PCDHGA9: variants seen among roughly 807,000 people sequenced by gnomAD.
PCDHGA9 encodes protocadherin gamma-A9.
A neutral mutation model predicts 62.5 loss-of-function variants in PCDHGA9; 37 were observed. The ratio of observed to expected loss-of-function variants is 0.59; its 90% CI spans 0.46 to 0.78. The LOEUF (loss-of-function observed/expected upper bound fraction) is 0.78. Among genes scored for constraint, PCDHGA9 ranks in the 30% least tolerant of loss-of-function variants. The pLI, the probability that PCDHGA9 is intolerant of heterozygous loss-of-function variation, is 0.00. For missense variants in PCDHGA9, 1,138 were observed against 1,166.2 expected, an observed-to-expected ratio of 0.98 and a Z score of 0.35; for synonymous variants, 459 against 484.6, an observed-to-expected ratio of 0.95 and a Z score of 0.69.
chr5:141,439,790 C>G (rs2098131627), intron 1 of PCDHGA9: 2 of 152,248 alleles, frequency 1.3e-5, no homozygotes, highest in Non-Finnish European at 2.9e-5. Flanking sequence ...TTCTATAATC[C>G]AAGAAGAGTT....
chr5:141,471,404 TTA>T (rs1320685792), intron 1 of PCDHGA9: 3 of 152,170 alleles, frequency 2.0e-5, no homozygotes, highest in Non-Finnish European at 4.4e-5. Flanking sequence ...GTAGCTAGGC[TTA>T]GTTATGTTTT....
In PCDHGA9 at chr5:141,404,912, C is replaced by T. The variant is rs761969782; in HGVS notation, c.1960C>T (p.Leu654Phe). The change falls in exon 1 of 4, where the codon CTC becomes TTC. Residue 654 changes from leucine (L) to phenylalanine (F), a missense_variant. By Grantham distance (22) the Leu-to-Phe change is conservative. Coordinates refer to ENST00000573521, the MANE Select transcript of PCDHGA9 (RefSeq NM_018921.3). The stretch of plus-strand genomic sequence containing the variant: ...TGTACAGGACCATGGCCAGCCCCCT[C>T]TCTCGGCCACTGTCACGCTCACAGT... Reference protein sequence around the residue: ...VAVQDHGQPPLSATVTLTVAI... With the variant: ...VAVQDHGQPPFSATVTLTVAI... The T allele has an allele frequency of 1.9e-5, 31 of 1,613,946 alleles. No homozygotes were observed. Among genetic ancestry groups the T allele is most frequent in the Non-Finnish European group, 2.5e-5 (30 of 1,179,886 alleles).
chr5:141,498,531 G>A (rs1384404653), intron 2 of PCDHGA9, among the ~76,000 whole-genome samples: 3 of 148,544 alleles, frequency 2.0e-5, no homozygotes, highest in Non-Finnish European at 4.4e-5. Context: ...CTGCCCTCCA[G>A]CCTGGTCTGG....
intron 2 of PCDHGA9, among the ~76,000 whole-genome samples, chr5:141,497,540 C>A (rs866982821): frequency 7.4e-6 from 1 of 134,944 alleles, no homozygotes; most frequent in African/African-American, 2.8e-5. Context: ...TGCAACAAAC[C>A]TTTTTTTTTT....
intron 1 of PCDHGA9, among the ~76,000 whole-genome samples, chr5:141,480,274 G>A (rs111260319): frequency 6.6e-6 from 1 of 152,036 alleles, no homozygotes; most frequent in Non-Finnish European, 1.5e-5. Context: ...CATTAGCTGG[G>A]TGTGTTGGCA....
rs1254986724 is a variant in PCDHGA9, at chr5:141,490,928, C to G, written c.2425-3879C>G. ...CTAGACGAGAATGATAATGCCCCAGCTGTGCTGCACCCACGGCCAGACTGG... is the reference window on the plus strand; with the variant it reads ...CTAGACGAGAATGATAATGCCCCAGGTGTGCTGCACCCACGGCCAGACTGG... On this transcript the variant is annotated intron_variant, in intron 1 of 3. Transcript: ENST00000573521. The surrounding 1 kb of genome is among the most constrained non-coding windows in gnomAD (Gnocchi z 5.4). 2 of 1,613,466 alleles carry G rather than the reference C, an allele frequency of 1.2e-6. No homozygotes were observed. Among genetic ancestry groups the G allele is most frequent in the Non-Finnish European group, 1.7e-6 (2 of 1,179,624 alleles).
chr5:141,507,631 C>T (rs1435446169), intron 3 of PCDHGA9, among the ~76,000 whole-genome samples: 4 of 152,236 alleles, frequency 2.6e-5, no homozygotes, highest in East Asian at 3.8e-4. Context: ...TGTGGCCTTG[C>T]GCCCTGAGGC....
chr5:141,434,920 A>C (rs927245955), intron 1 of PCDHGA9, among the ~76,000 whole-genome samples: 1 of 151,796 alleles, frequency 6.6e-6, no homozygotes. Flanking sequence ...ATTTATGTAC[A>C]TATATTTTAT....
Position 141,489,897 on chromosome 5 carries a change from C to G in PCDHGA9, c.2425-4910C>G. ...TGCTTACTGCTGTGGATGGGGGGAC[C>G]CCAGCCCGCTCAGGGACCACCCTTA... is the stretch of plus-strand genomic sequence containing the variant. On this transcript the variant is annotated intron_variant, in intron 1 of 3. Transcript: ENST00000573521. This position sits in a 1 kb window ranked among gnomAD's most constrained non-coding sequence, Gnocchi z 4.5. 1 of 1,614,162 alleles carries G rather than the reference C, an allele frequency of 6.2e-7. No individual in the cohort carries two copies. Among genetic ancestry groups the G allele is most frequent in the Non-Finnish European group, 8.5e-7 (1 of 1,180,016 alleles).
At chr5:141,410,086 G>T in intron 1 of PCDHGA9, 1 of 1,612,588 alleles carries the variant, frequency 6.2e-7, no homozygotes, top group Non-Finnish European at 8.5e-7. Flanking sequence ...AGGTGCGCAC[G>T]GCTCGAGCCT....
chr5:141,458,512 T>TG (rs2098947554), intron 1 of PCDHGA9, among the ~76,000 whole-genome samples: 2 of 150,084 alleles, frequency 1.3e-5, no homozygotes, highest in African/African-American at 5.0e-5. Context: ...TTTGACACTT[T>TG]GTTTTTTTTT....
At chr5:141,475,903 G>A in intron 1 of PCDHGA9, 1 of 576,064 alleles carries the variant, frequency 1.7e-6, no homozygotes. Context: ...TGCCGCTGTC[G>A]GCCAATGAAG....
rs1048688884 is a variant in PCDHGA9, at chr5:141,404,675, G to A, written c.1723G>A (p.Val575Met). Residue 575 changes from valine to methionine, a missense_variant, in exon 1 of 4, where the codon GTG becomes ATG. Val to Met is a conservative substitution (Grantham distance 21). Coordinates refer to ENST00000573521, the MANE Select transcript of PCDHGA9 (RefSeq NM_018921.3). The stretch of plus-strand genomic sequence containing the variant: ...CCTCCCCACTGATGGTTCTACTGGT[G>A]TGGAGCTGGCACCCCGCTCTGCAGA... ...PALPTDGSTG[V>M]ELAPRSAEPG... 1.2e-6 allele frequency: 2 copies of A among 1,614,200 alleles called. No homozygotes were observed. The highest frequency in any genetic ancestry group is 1.7e-6 in the Non-Finnish European group (2 of 1,180,028).
intron 1 of PCDHGA9, chr5:141,420,181 T>C (rs1590216182): frequency 6.2e-7 from 1 of 1,613,998 alleles, no homozygotes; most frequent in Non-Finnish European, 8.5e-7. Context: ...TTGATCATTG[T>C]CCAGCCACAC....
intron 3 of PCDHGA9, among the ~76,000 whole-genome samples, chr5:141,510,375 G>A (rs980966602): frequency 3.4e-5 from 5 of 148,132 alleles, no homozygotes; most frequent in East Asian, 2.0e-4. Context: ...ATCTCTACTC[G>A]TGCCAGGCCT....
intron 1 of PCDHGA9, among the ~76,000 whole-genome samples, chr5:141,464,431 A>G (rs1352563675): frequency 6.6e-6 from 1 of 151,648 alleles, no homozygotes; most frequent in Non-Finnish European, 1.5e-5. Flanking sequence ...ATATAGATAT[A>G]TATGTTTGTT....
chr5:141,414,376 T>G, intron 1 of PCDHGA9: 1 of 1,613,824 alleles, frequency 6.2e-7, no homozygotes, highest in Non-Finnish European at 8.5e-7. Flanking sequence ...ATTAGAAAAG[T>G]CCATTGACAG....
At position 141,494,885 on chromosome 5, in the gene PCDHGA9, G is replaced by T; in HGVS notation, c.2483+20G>T. The T allele has an allele frequency of 6.8e-6, 11 of 1,614,082 alleles. No homozygotes were observed. The highest frequency in any genetic ancestry group is 8.5e-6 in the Non-Finnish European group (10 of 1,179,992). Reference sequence around the variant, plus strand: ...CAGCGGGTAGGTGACTGATTCTCCAGCCCACCCTCTTCTCTGCGGCATTTT... The same window carrying T: ...CAGCGGGTAGGTGACTGATTCTCCATCCCACCCTCTTCTCTGCGGCATTTT... On this transcript the variant is annotated intron_variant, in intron 2 of 3. Transcript: ENST00000573521.
At chr5:141,417,888 G>T (rs1406210540) in intron 1 of PCDHGA9, 1 of 1,566,768 alleles carries the variant, frequency 6.4e-7, no homozygotes, top group Middle Eastern at 1.7e-4. Context: ...CAGAGGCGCC[G>T]GGCCGGCCCG....
Sources: allele counts gnomAD v4.1 joint callset (sites outside exome capture counted in the v4.1 genomes callset), GRCh38; gene constraint gnomAD v4.1.1; non-coding constraint Gnocchi (gnomAD v3.1); transcripts MANE v1.5; gene names NCBI Gene and HGNC (gene_info 2026-07-23, HGNC 2026-07-21).